Variants in CHAT observed in about 807,000 individuals in gnomAD.
CHAT encodes the protein choline O-acetyltransferase.
A neutral mutation model predicts 76.9 loss-of-function variants in CHAT; 61 were observed. The observed-to-expected ratio is 0.79, with a 90% confidence interval of 0.65 to 0.98. The LOEUF is 0.98. CHAT is among the 50% of genes least tolerant of loss of function. The probability of loss-of-function intolerance (pLI) is 0.00; values close to 1 mark genes in which losing one functional copy is unlikely to be tolerated. For synonymous variants in CHAT, 407 were observed against 397.4 expected (o/e 1.02, Z -0.29); for missense variants, 946 against 986.9 (o/e 0.96, Z 0.56).
chr10:49,662,723 G>A lies in CHAT; in HGVS notation c.1918G>A (p.Glu640Lys), dbSNP rs774403163. Residue 640 changes from glutamate (E) to lysine (K), a missense_variant, in exon 14 of 15, where the codon GAG (glutamate) becomes AAG (lysine). By Grantham distance (56) the Glu-to-Lys change is moderately conservative. Around this residue, in one of 3 missense-constraint regions of CHAT, gnomAD observed 349 missense variants for 393.9 expected, o/e 0.89. Transcript: ENST00000337653. ...LARAMCKELPEMFMDETYLMS... is the reference protein window; with the variant it reads ...LARAMCKELPKMFMDETYLMS... ...CCGGGCCATGTGCAAGGAGCTGCCC[G>A]AGATGTTCATGGATGAAACCTACCT... 11 of 1,614,234 alleles carry A rather than the reference G, an allele frequency of 6.8e-6. No homozygotes were observed. Among genetic ancestry groups the A allele is most frequent in the Middle Eastern group, 1.6e-4 (1 of 6,062 alleles).
At chr10:49,661,253 G>C (rs1840186284) in intron 13 of CHAT, 1 of 152,222 alleles carries the variant, frequency 6.6e-6, no homozygotes, top group Non-Finnish European at 1.5e-5. Context: ...TCTTGCTACA[G>C]TTATTCCAAG....
At chr10:49,611,561 C>T, upstream of CHAT, 3 of 1,605,774 alleles carry the variant, frequency 1.9e-6, no homozygotes, top group Non-Finnish European at 8.5e-7. Context: ...CGGGCTCGGG[C>T]CAACCTGCCA....
upstream of CHAT, chr10:49,610,520 CG>C (rs1295756145): frequency 8.9e-6 from 4 of 450,888 alleles, no homozygotes; most frequent in Non-Finnish European, 1.5e-5. Context: ...CCAGCAGCCG[CG>C]GGTCCCGGGA....
chr10:49,627,688 A>C lies in CHAT; in HGVS notation c.1014A>C (p.Lys338Asn), dbSNP rs1444799209. 1.2e-6 allele frequency: 2 copies of C among 1,614,130 alleles called. No homozygotes were observed. The highest frequency in any genetic ancestry group is 2.2e-5 in the South Asian group (2 of 91,074). ...TCACTCAGTTGAGAAAGATAGTCAAAATGGCTTCCAACGAGGACGAGCGTT... is the reference window on the plus strand; with the variant it reads ...TCACTCAGTTGAGAAAGATAGTCAACATGGCTTCCAACGAGGACGAGCGTT... ...DLFTQLRKIV[K>N]MASNEDERLP... is the part of the protein sequence containing the mutation. The change falls in exon 7 of 15, where the codon AAA becomes AAC. Residue 338 changes from lysine (K) to asparagine (N), a missense_variant. Coordinates refer to ENST00000337653, the MANE Select transcript of CHAT (RefSeq NM_020549.5).
chr10:49,643,355 C>T (rs1839550667), intron 7 of CHAT, among the ~76,000 whole-genome samples: 1 of 152,212 alleles, frequency 6.6e-6, no homozygotes, highest in Non-Finnish European at 1.5e-5. Flanking sequence ...TCCGGCCATC[C>T]AAACCACTGT....
At chr10:49,641,615 T>C (rs1368320688) in intron 7 of CHAT, among the ~76,000 whole-genome samples, 1 of 152,122 alleles carries the variant, frequency 6.6e-6, no homozygotes, top group South Asian at 2.1e-4. Context: ...AGATGTGCGA[T>C]GGCAGATTTA....
At chr10:49,662,048 C>T (rs548635213) in intron 13 of CHAT, among the ~76,000 whole-genome samples, 1 of 152,192 alleles carries the variant, frequency 6.6e-6, no homozygotes, top group African/African-American at 2.4e-5. Flanking sequence ...GATTATGGAT[C>T]CAGTTTAAAT....
intron 11 of CHAT, among the ~76,000 whole-genome samples, chr10:49,654,890 A>G (rs1207688601): frequency 6.6e-6 from 1 of 152,084 alleles, no homozygotes; most frequent in Non-Finnish European, 1.5e-5. Flanking sequence ...GGGTGTATAT[A>G]AGCAAACGTG....
intron 4 of CHAT, 51 bp from the exon 5 acceptor site, chr10:49,622,046 G>GA: frequency 2.0e-6 from 1 of 495,624 alleles, no homozygotes; most frequent in Non-Finnish European, 2.9e-6. Flanking sequence ...GGGAGGGAGG[G>GA]AGGAAGCCAG....
chr10:49,641,343 T>G (rs1839475097), intron 7 of CHAT, among the ~76,000 whole-genome samples: 1 of 151,538 alleles, frequency 6.6e-6, no homozygotes, highest in Non-Finnish European at 1.5e-5. Flanking sequence ...CTGGTCTGCC[T>G]TCCTCTCGCC....
intron 10 of CHAT, among the ~76,000 whole-genome samples, chr10:49,651,291 G>C (rs990868656): frequency 2.0e-5 from 3 of 151,744 alleles, no homozygotes; most frequent in African/African-American, 7.3e-5. Flanking sequence ...CTGTGAGCAG[G>C]AGGAATACTT....
chr10:49,620,861 G>A (rs1838681808), intron 4 of CHAT, among the ~76,000 whole-genome samples: 1 of 152,246 alleles, frequency 6.6e-6, no homozygotes, highest in African/African-American at 2.4e-5. Context: ...ACTCATGGAG[G>A]TCATGGGTCC....
rs148360810 is a variant in CHAT at position 49,658,640 on chromosome 10, C to T, written c.1839+3192C>T. Among the ~76,000 whole-genome samples, 1,274 of 152,244 alleles carry T rather than the reference C, an allele frequency of 8.4e-3. 33 individuals carry two copies. The highest frequency in any genetic ancestry group is 0.078 in the South Asian group (376 of 4,820). ...AGGAGAATCGCTTGAACCCGGGAGT[C>T]GGAAGTTGCGGTGAGCTGAGATTGC... On this transcript the variant is annotated intron_variant, in intron 13 of 14. Coordinates refer to ENST00000337653, the MANE Select transcript of CHAT (RefSeq NM_020549.5).
chr10:49,623,273 C>A (rs149491714), intron 5 of CHAT, among the ~76,000 whole-genome samples: 2 of 147,576 alleles, frequency 1.4e-5, no homozygotes, highest in Non-Finnish European at 2.9e-5. Flanking sequence ...CACTGACTGC[C>A]CCCACGAGAC....
At chr10:49,631,441 T>C (rs182689180) in intron 7 of CHAT, among the ~76,000 whole-genome samples, 38 of 152,310 alleles carry the variant, frequency 2.5e-4, no homozygotes, top group African/African-American at 9.1e-4. Context: ...AACTTAATTG[T>C]CTCTTTAAAG....
intron 2 of CHAT, among the ~76,000 whole-genome samples, chr10:49,618,552 A>G (rs4838536): frequency 0.077 from 11,704 of 152,258 alleles, 871 homozygotes; most frequent in Admixed American, 0.24. Context: ...AGCAGAGTGG[A>G]CATGGAAGAC....
At chr10:49,662,873 C>A in intron 14 of CHAT, 91 bp downstream of exon 14, 4 of 1,469,916 alleles carry the variant, frequency 2.7e-6, no homozygotes, top group African/African-American at 2.8e-5. Context: ...TGGAATCAGG[C>A]AAATCCTGCC....
rs978684444 is a variant in CHAT at position 49,614,390 on chromosome 10, C to T, written c.201C>T (p.Pro67=). 3 of 1,545,996 alleles carry T rather than the reference C, an allele frequency of 1.9e-6. No individual in the cohort carries two copies. Among genetic ancestry groups the T allele is most frequent in the African/African-American group, 2.7e-5 (2 of 72,914 alleles). The change falls in exon 1 of 15, where the codon CCC becomes CCT. Residue 67 remains proline, a synonymous_variant. Coordinates refer to ENST00000337653, the MANE Select transcript of CHAT (RefSeq NM_020549.5). The part of the protein sequence containing the change: ...CSPHPRAATR[P]PPLPAHTPAH... ...CCCACCCCCGCGCTGCGACACGCCC[C>T]CCACCCCTTCCGGCTCACACCCCCG... is the stretch of plus-strand genomic sequence containing the variant.
intron 7 of CHAT, among the ~76,000 whole-genome samples, chr10:49,642,417 G>T (rs1227682211): frequency 1.3e-5 from 2 of 152,222 alleles, no homozygotes; most frequent in African/African-American, 4.8e-5. Context: ...AATGAGCCAG[G>T]ACCTGGTTCC....
Sources: gnomAD v4.1 joint callset for allele counts (sites outside exome capture counted in the v4.1 genomes callset) on GRCh38, gnomAD v4.1.1 for gene constraint, gnomAD v4.1.1 regional missense constraint, MANE v1.5 for transcripts, NCBI Gene and HGNC (gene_info 2026-07-23, HGNC 2026-07-21) for gene names.